The following ARID4B variants were observed in gnomAD, a reference collection of about 807,000 sequenced individuals.
The protein encoded by ARID4B is AT-rich interaction domain 4B, also known as AT-rich interactive domain-containing protein 4B.
A neutral mutation model predicts 147.5 loss-of-function variants in ARID4B; 26 were observed. That is an observed-to-expected ratio of 0.18 (90% CI 0.13 to 0.24). ARID4B has a LOEUF of 0.24. Among genes scored for constraint, ARID4B ranks in the 10% least tolerant of loss-of-function variants. ARID4B has a pLI of 1.00. For synonymous variants in ARID4B, 512 were observed against 507.9 expected, an observed-to-expected ratio of 1.01 and a Z score of -0.11; for missense variants, 1,179 against 1,511.5, an observed-to-expected ratio of 0.78 and a Z score of 3.65.
intron 19 of ARID4B, among the ~76,000 whole-genome samples, chr1:235,188,111 G>A (rs1664819134): frequency 6.6e-6 from 1 of 151,992 alleles, no homozygotes; most frequent in African/African-American, 2.4e-5. Context: ...GTGTGTGGGG[G>A]GGTTTGGGGT....
At chr1:235,198,761 G>T (rs912228087) in intron 17 of ARID4B, among the ~76,000 whole-genome samples, 1 of 152,214 alleles carries the variant, frequency 6.6e-6, no homozygotes, top group Non-Finnish European at 1.5e-5. Context: ...ATACATAGTT[G>T]TAATTAACAG....
In ARID4B at chr1:235,214,970, T is replaced by A. The variant is rs577633195; in HGVS notation, c.1584-944A>T. Among the ~76,000 whole-genome samples the A allele has an allele frequency of 4.6e-5, 7 of 150,702 alleles. No individual in the cohort carries two copies. In the South Asian group the frequency reaches 1.5e-3, roughly 32 times the overall value. ...GATTCTCCTGCCTCAGCCTCCCAAG[T>A]AGCTGGGATTACAGGCACCCACCAC... On this transcript the variant is annotated intron_variant, in intron 16 of 23. Coordinates refer to ENST00000264183, the MANE Select transcript of ARID4B (RefSeq NM_016374.6).
At chr1:235,303,840 C>CT (rs1380876332) in intron 2 of ARID4B, among the ~76,000 whole-genome samples, 11 of 152,342 alleles carry the variant, frequency 7.2e-5, no homozygotes, top group Non-Finnish European at 1.6e-4. Flanking sequence ...GCAATGCACA[C>CT]TAGCTATACT....
chr1:235,265,732 C>G (rs1166178828), intron 2 of ARID4B, among the ~76,000 whole-genome samples: 1 of 151,794 alleles, frequency 6.6e-6, no homozygotes, highest in Non-Finnish European at 1.5e-5. Context: ...GGTATATGTT[C>G]CTAAACTAGA....
intron 7 of ARID4B, among the ~76,000 whole-genome samples, chr1:235,240,814 G>C (rs774596003): frequency 1.3e-5 from 2 of 152,074 alleles, no homozygotes; most frequent in Non-Finnish European, 2.9e-5. Context: ...AGGAATTCTG[G>C]AGACAGTAAT....
At position 235,172,691 on chromosome 1, in the gene ARID4B, A is replaced by T. The variant is rs1308434176; in HGVS notation, c.3738T>A (p.His1246Gln). Residue 1246 changes from histidine to glutamine, a missense_variant, in exon 23 of 24, where the codon CAT becomes CAA. Transcript: ENST00000264183. Reference protein sequence around the residue: ...LQEKLQEIRKHYLSLKSEVAS... With the variant: ...LQEKLQEIRKQYLSLKSEVAS... The stretch of plus-strand genomic sequence containing the variant: ...CTACTTCAGATTTTAATGACAGATA[A>T]TGTTTTCTGATTTCTTGAAGTTTTT... 2.5e-6 allele frequency: 4 copies of T among 1,607,494 alleles called. No individual in the cohort carries two copies. In the Admixed American group the frequency reaches 5.1e-5, roughly 20 times the overall value.
At chr1:235,234,681 C>T (rs1668451602) in intron 8 of ARID4B, among the ~76,000 whole-genome samples, 189 bp from the exon 9 acceptor site, 1 of 152,110 alleles carries the variant, frequency 6.6e-6, no homozygotes, top group South Asian at 2.1e-4. Context: ...CTACATCCTT[C>T]CAGCTGCTGG....
intron 2 of ARID4B, among the ~76,000 whole-genome samples, chr1:235,275,549 G>C (rs1415139850): frequency 6.6e-6 from 1 of 152,176 alleles, no homozygotes; most frequent in Non-Finnish European, 1.5e-5. Flanking sequence ...GCCTCCTCAA[G>C]CCAAACTGGA....
At chr1:235,183,278 G>A (rs1363156279) in intron 19 of ARID4B, among the ~76,000 whole-genome samples, 5 of 150,484 alleles carry the variant, frequency 3.3e-5, no homozygotes, top group Admixed American at 6.6e-5. Flanking sequence ...GCGTGATGTC[G>A]GCTCACAGCA....
intron 2 of ARID4B, among the ~76,000 whole-genome samples, chr1:235,285,635 T>C (rs527541750): frequency 1.3e-5 from 2 of 152,344 alleles, no homozygotes; most frequent in Admixed American, 6.5e-5. Context: ...GATATTTGAA[T>C]TGGACATGAA....
chr1:235,309,716 T>A (rs1407368261), intron 2 of ARID4B, among the ~76,000 whole-genome samples: 1 of 150,846 alleles, frequency 6.6e-6, no homozygotes, highest in Non-Finnish European at 1.5e-5. Context: ...ACAATGGCGG[T>A]TTTGTGGAAT....
intron 19 of ARID4B, among the ~76,000 whole-genome samples, chr1:235,188,165 A>G (rs1429138481): frequency 6.6e-6 from 1 of 152,112 alleles, no homozygotes. Flanking sequence ...ATATATACTC[A>G]TATGTCATAT....
intron 2 of ARID4B, among the ~76,000 whole-genome samples, chr1:235,306,867 G>A (rs72758059): frequency 0.13 from 19,973 of 151,804 alleles, 1,523 homozygotes; most frequent in African/African-American, 0.2. Flanking sequence ...GATGTTGGCC[G>A]GGCTAGTCTC....
At chr1:235,234,523 C>T in intron 8 of ARID4B, 31 bp from the exon 9 acceptor site, 1 of 1,459,224 alleles carries the variant, frequency 6.9e-7, no homozygotes, top group Non-Finnish European at 9.5e-7. Context: ...GCTATTATAA[C>T]TAAAAGAACT....
chr1:235,179,345 G>C (rs1363746346), intron 20 of ARID4B, among the ~76,000 whole-genome samples: 1 of 151,398 alleles, frequency 6.6e-6, no homozygotes, highest in East Asian at 2.0e-4. Flanking sequence ...GACCAGCCTG[G>C]CCAACATGGC....
rs866621130 is a variant in ARID4B at position 235,181,678 on chromosome 1, G to A, written c.3241C>T (p.Leu1081Phe). 1 of 1,614,052 alleles carries A rather than the reference G, an allele frequency of 6.2e-7. No individual in the cohort carries two copies. The highest frequency in any genetic ancestry group is 1.7e-5 in the Admixed American group (1 of 60,018). The change falls in exon 20 of 24, where the codon CTC (leucine) becomes TTC (phenylalanine). Residue 1081 changes from leucine (L) to phenylalanine (F), a missense_variant. Leu to Phe is a conservative substitution (Grantham distance 22). Coordinates refer to ENST00000264183, the MANE Select transcript of ARID4B (RefSeq NM_016374.6). ...VDSVAGELQD[L>F]QSEGNSSPAG... ...GGCGAGCTATTCCCTTCAGACTGGA[G>A]GTCTTGGAGCTCCCCAGCAACACTA...
chr1:235,225,136 T>C (rs1447697622), intron 11 of ARID4B, among the ~76,000 whole-genome samples: 9 of 152,190 alleles, frequency 5.9e-5, no homozygotes, highest in Non-Finnish European at 8.8e-5. Flanking sequence ...GAATACCTAC[T>C]CTCAACTTAT....
chr1:235,210,748 G>A (rs993973172), intron 17 of ARID4B, among the ~76,000 whole-genome samples: 1 of 152,074 alleles, frequency 6.6e-6, no homozygotes, highest in Non-Finnish European at 1.5e-5. Context: ...AGATGGCAAC[G>A]TTCACAGTAA....
At chr1:235,282,888 C>T (rs1671750342) in intron 2 of ARID4B, among the ~76,000 whole-genome samples, 1 of 152,188 alleles carries the variant, frequency 6.6e-6, no homozygotes, top group Admixed American at 6.5e-5. Context: ...TCACGCCATT[C>T]TCCTGCCTCA....
Sources: gnomAD v4.1 joint callset for allele counts (sites outside exome capture counted in the v4.1 genomes callset) on GRCh38, gnomAD v4.1.1 for gene constraint, MANE v1.5 for transcripts, NCBI Gene and HGNC (gene_info 2026-07-23, HGNC 2026-07-21) for gene names.